The following ADAMTSL2 variants were observed in gnomAD, a reference collection of about 807,000 sequenced individuals.
The protein encoded by ADAMTSL2 is ADAMTS-like protein 2.
Under a neutral mutation model 117.0 loss-of-function variants are expected in ADAMTSL2, and 55 were observed. The observed-to-expected ratio is 0.47, with a 90% CI of 0.38 to 0.59. The LOEUF is 0.59. Among genes scored for constraint, ADAMTSL2 ranks in the 20% least tolerant of loss-of-function variants. The pLI is 0.00. For missense variants in ADAMTSL2, 1,182 were observed against 1,354.5 expected, an observed-to-expected ratio of 0.87 and a Z score of 2.00; for synonymous variants, 572 against 566.4, an observed-to-expected ratio of 1.01 and a Z score of -0.14.
rs536840719 is a variant in ADAMTSL2, at chr9:133,546,877, G to A, written c.764-161G>A. Among the ~76,000 whole-genome samples, 8 of 152,222 alleles carry A rather than the reference G, an allele frequency of 5.3e-5. No homozygotes were observed. In the South Asian group the frequency reaches 1.0e-3, roughly 20 times the overall value. ...AGGAACGTGCGTTTGCCCCTCCTCCGCATTCACTGGCCAGACTCTCCATGA... is the reference window on the plus strand; with the variant it reads ...AGGAACGTGCGTTTGCCCCTCCTCCACATTCACTGGCCAGACTCTCCATGA... On this transcript the variant is annotated intron_variant, in intron 8 of 18. Transcript: ENST00000651351.
intron 9 of ADAMTSL2, among the ~76,000 whole-genome samples, chr9:133,552,994 C>G (rs1830521495): frequency 6.6e-6 from 1 of 152,194 alleles, no homozygotes; most frequent in African/African-American, 2.4e-5. Context: ...CCCCTTCTCC[C>G]AGGACTGCCC....
chr9:133,549,908 CA>C (rs1360385497), intron 9 of ADAMTSL2, among the ~76,000 whole-genome samples: 23 of 152,224 alleles, frequency 1.5e-4, no homozygotes, highest in Middle Eastern at 3.2e-3. Context: ...ACACAGTCCC[CA>C]AGTGGTGGCT....
At chr9:133,537,887 G>T (rs543623632) in intron 3 of ADAMTSL2, among the ~76,000 whole-genome samples, 1 of 152,344 alleles carries the variant, frequency 6.6e-6, no homozygotes, top group Non-Finnish European at 1.5e-5. Context: ...AGGGAGCCCC[G>T]GGAGAAGCAG....
At chr9:133,541,192 GCAAC>G (rs1830215131) in intron 7 of ADAMTSL2, among the ~76,000 whole-genome samples, 191 bp downstream of exon 7, 1 of 152,212 alleles carries the variant, frequency 6.6e-6, no homozygotes, top group Non-Finnish European at 1.5e-5. Context: ...GCAAGAATGG[GCAAC>G]CCTTTGTTGA....
intron 9 of ADAMTSL2, among the ~76,000 whole-genome samples, chr9:133,552,028 CTA>C (rs1027721629): frequency 6.6e-6 from 1 of 152,004 alleles, no homozygotes; most frequent in African/African-American, 2.4e-5. Flanking sequence ...TGGGGTTTCA[CTA>C]TGTTGGCCAG....
Position 133,536,805 on chromosome 9 carries a change from G to A in ADAMTSL2, c.90+3G>A. ...ACACAGTGTCAACCGGGTCCACGGT[G>A]AGTGGGGTGTTGTGGTCTGAGGGCC... On this transcript the variant is annotated splice_donor_region_variant and intron_variant, in intron 2 of 18. Coordinates refer to ENST00000651351, the MANE Select transcript of ADAMTSL2 (RefSeq NM_014694.4). 4 of 1,614,204 alleles carry A rather than the reference G, an allele frequency of 2.5e-6. No individual in the cohort carries two copies. The highest frequency in any genetic ancestry group is 1.3e-5 in the African/African-American group (1 of 75,078).
At chr9:133,568,580 GC>G (rs1307105956) in intron 14 of ADAMTSL2, 22 bp from the exon 15 acceptor site, 17 of 1,556,392 alleles carry the variant, frequency 1.1e-5, no homozygotes, top group Middle Eastern at 2.1e-4. Context: ...CACCCCCCCT[GC>G]CCCCTCCCCC....
At chr9:133,537,103 C>T (rs1464784996) in intron 2 of ADAMTSL2, among the ~76,000 whole-genome samples, 1 of 152,166 alleles carries the variant, frequency 6.6e-6, no homozygotes, top group Non-Finnish European at 1.5e-5. Flanking sequence ...CGCAGTTGGG[C>T]CCTGAGCTGC....
Position 133,554,716 on chromosome 9 carries a change from G to A in ADAMTSL2, c.1276+23G>A. On this transcript the variant is annotated intron_variant, in intron 10 of 18. Transcript: ENST00000651351. This position sits in a 1 kb window ranked among gnomAD's most constrained non-coding sequence, Gnocchi z 5.2. ...GAGGTAACCAGGAGGAGGGAGGCAT[G>A]AGGGTGGGGCCCGGGAGGCAGCCCA... 1 of 1,469,214 alleles carries A rather than the reference G, an allele frequency of 6.8e-7. No individual in the cohort carries two copies. The highest frequency in any genetic ancestry group is 1.4e-5 in the South Asian group (1 of 71,326). 91.0% of individuals were successfully genotyped at this position (1,469,214 alleles called of 1,614,324 possible). A position where few individuals can be genotyped will look rare whatever the true frequency, so the allele number is the denominator to read the frequency against.
chr9:133,538,458 T>C, intron 4 of ADAMTSL2, 34 bp downstream of exon 4: 1 of 1,609,394 alleles, frequency 6.2e-7, no homozygotes, highest in South Asian at 1.1e-5. Flanking sequence ...CACCATGGCC[T>C]GCTCTCCCTG....
intron 4 of ADAMTSL2, among the ~76,000 whole-genome samples, 156 bp from the exon 5 acceptor site, chr9:133,539,615 G>A (rs1830148314): frequency 9.0e-6 from 1 of 111,568 alleles, no homozygotes; most frequent in African/African-American, 3.1e-5. Flanking sequence ...GGAGCGCGCA[G>A]GAGCCCTAGA....
Position 133,555,895 on chromosome 9 carries a change from G to C in ADAMTSL2, c.1614G>C (p.Leu538=). 1.2e-6 allele frequency: 2 copies of C among 1,612,862 alleles called. No individual in the cohort carries two copies. The highest frequency in any genetic ancestry group is 1.7e-6 in the Non-Finnish European group (2 of 1,179,938). ...CATTCCCCAACGTTAGCACCAGCCT[G>C]CTCACCTCGGCCGGGAACAGGACTC... The part of the protein sequence containing the change: ...EAPFPNVSTS[L]LTSAGNRTHK... Residue 538 remains leucine (L), a synonymous_variant, in exon 11 of 19, where the codon CTG becomes CTC. Transcript: ENST00000651351.
chr9:133,551,601 T>G (rs984745403), intron 9 of ADAMTSL2, among the ~76,000 whole-genome samples: 7 of 151,978 alleles, frequency 4.6e-5, no homozygotes, highest in Non-Finnish European at 7.4e-5. Flanking sequence ...ATTTATTTAC[T>G]GCAGATGGCC....
intron 15 of ADAMTSL2, 84 bp from the exon 16 acceptor site, chr9:133,569,324 C>A: frequency 6.9e-7 from 1 of 1,439,642 alleles, no homozygotes. Context: ...GGAGCCACTC[C>A]TCTCCCTTGG....
chr9:133,567,031 G>C lies in ADAMTSL2; in HGVS notation c.1843G>C (p.Glu615Gln). 1.2e-6 allele frequency: 2 copies of C among 1,610,828 alleles called. No homozygotes were observed. ...DALTRPEPVH[E>Q]FCAGRECQPR... ...CCTGACCCGTCCCGAGCCTGTCCAC[G>C]AGTTCTGCGCTGGGAGGGAGTGCCA... The change falls in exon 13 of 19, where the codon GAG (glutamate) becomes CAG (glutamine). Residue 615 changes from glutamate (E) to glutamine (Q), a missense_variant. Coordinates refer to ENST00000651351, the MANE Select transcript of ADAMTSL2 (RefSeq NM_014694.4).
At chr9:133,534,372 A>G, upstream of ADAMTSL2, 1 of 201,386 alleles carries the variant, frequency 5.0e-6, no homozygotes, top group Non-Finnish European at 9.9e-6. Flanking sequence ...CCCGCTCTGG[A>G]GGCAGAAGCC....
At chr9:133,541,881 C>G (rs1382681274) in intron 7 of ADAMTSL2, among the ~76,000 whole-genome samples, 1 of 152,174 alleles carries the variant, frequency 6.6e-6, no homozygotes, top group Non-Finnish European at 1.5e-5. Context: ...ACTTGTAATG[C>G]TTGGCATTAG....
At chr9:133,539,689 G>A (rs1378419455) in intron 4 of ADAMTSL2, 82 bp from the exon 5 acceptor site, 20 of 270,340 alleles carry the variant, frequency 7.4e-5, no homozygotes, top group Non-Finnish European at 9.2e-5. Flanking sequence ...CCCGGCTGCA[G>A]CCACTTCCTG....
rs1266018420 is a variant in ADAMTSL2 at position 133,575,075 on chromosome 9, G to A, written c.*211G>A. 4 of 591,440 alleles carry A rather than the reference G, an allele frequency of 6.8e-6. No homozygotes were observed. Among genetic ancestry groups the A allele is most frequent in the Non-Finnish European group, 9.1e-6 (3 of 330,842 alleles). 36.6% of individuals were successfully genotyped at this position (591,440 alleles called of 1,614,324 possible). Reference sequence around the variant, plus strand: ...CTCCGGCACCCAGTGGCCTCCCCCAGACAGAGCCACCCCTGCCGTGGGAAC... The same window carrying A: ...CTCCGGCACCCAGTGGCCTCCCCCAAACAGAGCCACCCCTGCCGTGGGAAC... On this transcript the variant is annotated 3_prime_UTR_variant, in exon 19 of 19. Coordinates refer to ENST00000651351, the MANE Select transcript of ADAMTSL2 (RefSeq NM_014694.4).
Sources: gnomAD v4.1 joint callset for allele counts (sites outside exome capture counted in the v4.1 genomes callset) on GRCh38, gnomAD v4.1.1 for gene constraint, Gnocchi (gnomAD v3.1) non-coding constraint, MANE v1.5 for transcripts, NCBI Gene and HGNC (gene_info 2026-07-23, HGNC 2026-07-21) for gene names.